The following WEE1 variants were observed in gnomAD, a reference collection of about 807,000 sequenced individuals.
WEE1 encodes WEE1 G2 checkpoint kinase, also known as wee1-like protein kinase.
In WEE1, 16 loss-of-function variants were observed where a neutral mutation model predicts 68.8. That is an observed-to-expected ratio of 0.23 (90% CI 0.16 to 0.35). The LOEUF (loss-of-function observed/expected upper bound fraction) is 0.35. Ranked by LOEUF, WEE1 falls within the 10% of genes least tolerant of loss-of-function variation. WEE1 has a pLI of 1.00. For missense variants in WEE1, 651 were observed against 824.1 expected (o/e 0.79, Z 2.57); for synonymous variants, 349 against 318.7 (o/e 1.09, Z -1.01).
rs185816032 is a variant in WEE1 at position 9,581,414 on chromosome 11, G to T, written c.1142-118G>T. ...TTCACAAGCAGGTTGAAGGGAGAAG[G>T]TCCTATAAAATAACACTTTCTTGGT... On this transcript the variant is annotated intron_variant, in intron 5 of 10. Transcript: ENST00000450114. The T allele has an allele frequency of 1.1e-5, 10 of 930,714 alleles. No homozygotes were observed. In the African/African-American group the frequency reaches 1.2e-4, roughly 11 times the overall value. 57.7% of individuals were successfully genotyped at this position (930,714 alleles called of 1,614,324 possible).
intron 6 of WEE1, among the ~76,000 whole-genome samples, chr11:9,583,761 G>GCGCACACA (rs1178398477): frequency 1.0e-4 from 5 of 48,950 alleles, no homozygotes; most frequent in African/African-American, 2.3e-4. Context: ...GCACGCGCGC[G>GCGCACACA]CACACACACA....
At position 9,573,827 on chromosome 11, in the gene WEE1, G is replaced by T; in HGVS notation, c.-107G>T. 4 of 993,416 alleles carry T rather than the reference G, an allele frequency of 4.0e-6. No homozygotes were observed. The South Asian group carries it at 1.5e-4, about 36-fold the overall frequency. 61.5% of individuals were successfully genotyped at this position (993,416 alleles called of 1,614,324 possible). A position where few individuals can be genotyped will look rare whatever the true frequency, so the allele number is the denominator to read the frequency against. On this transcript the variant is annotated 5_prime_UTR_variant, in exon 1 of 11. Transcript: ENST00000450114. ...CGCCGCGCAGAGACGCCGCGGCTGC[G>T]ACTAGGCGCGCCCAGCCGCACGTGG...
Position 9,589,843 on chromosome 11 carries a change from C to A in WEE1, c.*1241C>A. 1 of 518,652 alleles carries A rather than the reference C, an allele frequency of 1.9e-6. No individual in the cohort carries two copies. Among genetic ancestry groups the A allele is most frequent in the Non-Finnish European group, 2.5e-6 (1 of 403,248 alleles). The allele number at this position is 518,652 out of a possible 1,614,324, so 32.1% of individuals were successfully genotyped here. A position where few individuals can be genotyped will look rare whatever the true frequency, so the allele number is the denominator to read the frequency against. On this transcript the variant is annotated 3_prime_UTR_variant, in exon 11 of 11. Transcript: ENST00000450114. ...TAAAATGTATAGTGTGTATAATGTA[C>A]TATTATAAAAGCAGAGGGCACATTT... is the stretch of plus-strand genomic sequence containing the variant.
chr11:9,575,594 G>T (rs1313410742), intron 1 of WEE1: 4 of 360,568 alleles, frequency 1.1e-5, no homozygotes, highest in Non-Finnish European at 1.9e-5. Flanking sequence ...TGGGTTGAAA[G>T]AATTTGTTAA....
At chr11:9,584,606 C>T (rs1849679997) in intron 6 of WEE1, among the ~76,000 whole-genome samples, 1 of 148,392 alleles carries the variant, frequency 6.7e-6, no homozygotes, top group South Asian at 2.3e-4. Context: ...GTCAGCCAGA[C>T]TCACTGGCTA....
Position 9,574,143 on chromosome 11 carries a change from G to C in WEE1, c.210G>C (p.Glu70Asp). ...SPLPPARSPT[E>D]PGPERRRSPG... Reference sequence around the variant, plus strand: ...TGCCGCCCGCGCGGAGCCCCACGGAGCCCGGGCCCGAGCGCCGCCGCTCGC... The same window carrying C: ...TGCCGCCCGCGCGGAGCCCCACGGACCCCGGGCCCGAGCGCCGCCGCTCGC... The change falls in exon 1 of 11, where the codon GAG (glutamate) becomes GAC (aspartate). Residue 70 changes from glutamate (E) to aspartate (D), a missense_variant. Physicochemically the swap from Glu to Asp is conservative, Grantham distance 45. Coordinates refer to ENST00000450114, the MANE Select transcript of WEE1 (RefSeq NM_003390.4). The surrounding 1 kb of genome is among the most constrained non-coding windows in gnomAD (Gnocchi z 4.9). 1 of 1,197,668 alleles carries C rather than the reference G, an allele frequency of 8.3e-7. No individual in the cohort carries two copies. The highest frequency in any genetic ancestry group is 1.0e-6 in the Non-Finnish European group (1 of 967,126). The allele number at this position is 1,197,668 out of a possible 1,614,324, so 74.2% of individuals were successfully genotyped here.
In WEE1 at chr11:9,588,444, G is replaced by A. The variant is rs913712509; in HGVS notation, c.1788-5G>A. ...ATAATACCTTGTTTTCTATTTTTAT[G>A]TCAGAGAACTCAAGAAAGCACAGAT... On this transcript the variant is annotated splice_region_variant and splice_polypyrimidine_tract_variant and intron_variant, in intron 10 of 10. Coordinates refer to ENST00000450114, the MANE Select transcript of WEE1 (RefSeq NM_003390.4). 6.4e-7 allele frequency: 1 copy of A among 1,564,192 alleles called. No individual in the cohort carries two copies. Among genetic ancestry groups the A allele is most frequent in the African/African-American group, 1.4e-5 (1 of 72,068 alleles).
chr11:9,589,945 C>T lies in WEE1; in HGVS notation c.*1343C>T, dbSNP rs1440994489. ...TGTAGCATGATGTAATTTAAAATAT[C>T]TTCAAATTATTAAGTGAATATAATA... On this transcript the variant is annotated 3_prime_UTR_variant, in exon 11 of 11. Transcript: ENST00000450114. The T allele has an allele frequency of 1.9e-5, 3 of 154,944 alleles. No homozygotes were observed. Among genetic ancestry groups the T allele is most frequent in the African/African-American group, 7.2e-5 (3 of 41,484 alleles). 9.6% of individuals were successfully genotyped at this position (154,944 alleles called of 1,614,324 possible).
At chr11:9,582,988 AG>A (rs1849645233) in intron 6 of WEE1, among the ~76,000 whole-genome samples, 1 of 152,224 alleles carries the variant, frequency 6.6e-6, no homozygotes, top group Admixed American at 6.5e-5. Context: ...AAGGTATAAA[AG>A]TTGAAAATAT....
At chr11:9,580,078 C>T (rs539377903) in intron 5 of WEE1, 46 of 152,310 alleles carry the variant, frequency 3.0e-4, no homozygotes, top group African/African-American at 1.1e-3. Context: ...GTTATGGTCT[C>T]ATTCATAGTA....
chr11:9,583,788 CACACACACACACACATATAT>C (rs1255748209), intron 6 of WEE1, among the ~76,000 whole-genome samples: 1 of 30,708 alleles, frequency 3.3e-5, no homozygotes, highest in East Asian at 5.6e-4. Context: ...CACACACACA[CACACACACACACACATATAT>C]ATATATATAT....
At chr11:9,577,097 G>T (rs1232184160) in intron 4 of WEE1, 45 bp from the exon 5 acceptor site, 1 of 1,574,364 alleles carries the variant, frequency 6.4e-7, no homozygotes, top group South Asian at 1.2e-5. Flanking sequence ...GTTTAAGCTT[G>T]AGTGAAAATT....
intron 6 of WEE1, among the ~76,000 whole-genome samples, chr11:9,582,952 G>A (rs1329187067): frequency 6.6e-6 from 1 of 152,208 alleles, no homozygotes; most frequent in Non-Finnish European, 1.5e-5. Context: ...CATATAAAGT[G>A]TTAGACAAAT....
intron 10 of WEE1, among the ~76,000 whole-genome samples, chr11:9,587,467 C>G (rs1320352636): frequency 2.0e-5 from 3 of 152,162 alleles, no homozygotes; most frequent in Non-Finnish European, 2.9e-5. Context: ...TCTTTTCTTC[C>G]CAGACTCTCA....
chr11:9,578,965 G>A (rs971798981), intron 5 of WEE1: 1 of 150,972 alleles, frequency 6.6e-6, no homozygotes, highest in South Asian at 2.1e-4. Context: ...GGAGTGCAGT[G>A]GCGCAATCTC....
rs766054394 is a variant in WEE1, at chr11:9,588,638, C to T, written c.*36C>T. ...TCCCACCTCCCCCTGAACACTGTGA[C>T]AAGAGGAAGCTAGGTTGAAATCACT... On this transcript the variant is annotated 3_prime_UTR_variant, in exon 11 of 11. Coordinates refer to ENST00000450114, the MANE Select transcript of WEE1 (RefSeq NM_003390.4). 1 of 1,464,080 alleles carries T rather than the reference C, an allele frequency of 6.8e-7. No individual in the cohort carries two copies. The allele number at this position is 1,464,080 out of a possible 1,614,324, so 90.7% of individuals were successfully genotyped here.
At position 9,589,728 on chromosome 11, in the gene WEE1, C is replaced by T. The variant is rs1849741716; in HGVS notation, c.*1126C>T. ...CTTGTGTTTTATTAACATTGATTGG[C>T]ATATTAAAAGTCACTCTGAGCTTAC... On this transcript the variant is annotated 3_prime_UTR_variant, in exon 11 of 11. Coordinates refer to ENST00000450114, the MANE Select transcript of WEE1 (RefSeq NM_003390.4). 1.0e-6 allele frequency: 1 copy of T among 985,120 alleles called. No homozygotes were observed. Among genetic ancestry groups the T allele is most frequent in the Admixed American group, 6.2e-5 (1 of 16,248 alleles). 61.0% of individuals were successfully genotyped at this position (985,120 alleles called of 1,614,324 possible).
intron 5 of WEE1, 200 bp from the exon 6 acceptor site, chr11:9,581,332 T>C (rs1056204680): frequency 1.4e-5 from 7 of 514,882 alleles, no homozygotes; most frequent in Middle Eastern, 5.0e-4. Flanking sequence ...AGACTTTACA[T>C]TTTATTTTGT....
chr11:9,585,740 G>T (rs902777950), intron 8 of WEE1, among the ~76,000 whole-genome samples: 2 of 152,150 alleles, frequency 1.3e-5, no homozygotes, highest in African/African-American at 4.8e-5. Flanking sequence ...TACACCACTG[G>T]TGGAACTTTA....
Sources: gnomAD v4.1 joint callset for allele counts (sites outside exome capture counted in the v4.1 genomes callset) on GRCh38, gnomAD v4.1.1 for gene constraint, Gnocchi (gnomAD v3.1) non-coding constraint, MANE v1.5 for transcripts, NCBI Gene and HGNC (gene_info 2026-07-23, HGNC 2026-07-21) for gene names.